VGLL1: variants seen among roughly 807,000 people sequenced by gnomAD.
VGLL1 encodes vestigial like family member 1, also known as transcription cofactor vestigial-like protein 1.
VGLL1 carries 4 observed loss-of-function variants against 12.0 expected under a neutral mutation model. The observed-to-expected ratio is 0.33, with a 90% CI of 0.16 to 0.76. The LOEUF (loss-of-function observed/expected upper bound fraction) is 0.76, where lower values mean the gene tolerates loss of function less well. Among genes scored for constraint, VGLL1 ranks in the 30% least tolerant of loss-of-function variants. VGLL1 has a pLI of 0.60. For synonymous variants in VGLL1, 87 were observed against 81.2 expected (o/e 1.07, Z -0.39); for missense variants, 204 against 208.7 (o/e 0.98, Z 0.14).
At chrX:136,548,199 C>T (rs2075874688) in intron 2 of VGLL1, among the ~76,000 whole-genome samples, 1 of 111,631 alleles carries the variant, frequency 9.0e-6, no homozygotes, top group Non-Finnish European at 1.9e-5. Flanking sequence ...TGTGGTTTCA[C>T]AATATTGGCC....
At chrX:136,547,648 C>A (rs987151207) in intron 2 of VGLL1, among the ~76,000 whole-genome samples, 3 of 111,782 alleles carry the variant, frequency 2.7e-5, no homozygotes, top group African/African-American at 9.8e-5. Flanking sequence ...GAGTGACCAG[C>A]ACAGGTAAGT....
intron 4 of VGLL1, among the ~76,000 whole-genome samples, chrX:136,554,937 G>T (rs2075897206): frequency 8.9e-6 from 1 of 112,397 alleles, no homozygotes; most frequent in Admixed American, 9.4e-5. Context: ...ATGTATATTA[G>T]TCCTGTACAT....
intron 4 of VGLL1, among the ~76,000 whole-genome samples, chrX:136,551,790 G>C (rs939703502): frequency 1.8e-5 from 2 of 111,697 alleles, no homozygotes; most frequent in Non-Finnish European, 3.8e-5. Context: ...GTGTTTAAGA[G>C]AGGACTCAAG....
chrX:136,556,583 G>A lies in VGLL1; in HGVS notation c.*44G>A. On this transcript the variant is annotated 3_prime_UTR_variant, in exon 5 of 5. Transcript: ENST00000370634. ...ACAACACTTGGTCTAAGACACGGCA[G>A]CAAGACATCCCTGCATATTGTTCCA... is the stretch of plus-strand genomic sequence containing the variant. 9.0e-7 allele frequency: 1 copy of A among 1,107,062 alleles called. No homozygotes were observed. Among genetic ancestry groups the A allele is most frequent in the Non-Finnish European group, 1.2e-6 (1 of 803,389 alleles). The allele number at this position is 1,107,062 out of a possible 1,213,427, so 91.2% of individuals were successfully genotyped here.
At chrX:136,542,014 C>T (rs1262950722) in intron 2 of VGLL1, among the ~76,000 whole-genome samples, 5 of 110,052 alleles carry the variant, frequency 4.5e-5, no homozygotes, top group African/African-American at 1.7e-4. Flanking sequence ...CGTATGCCAC[C>T]CTGTGTTCTT....
chrX:136,541,453 C>G lies in VGLL1; in HGVS notation c.214+5219C>G, dbSNP rs982457968. 4.4e-5 allele frequency among the ~76,000 whole-genome samples: 5 copies of G among 112,555 alleles called. No individual in the cohort carries two copies. The Admixed American group carries it at 4.7e-4, about 11-fold the overall frequency. On this transcript the variant is annotated intron_variant, in intron 2 of 4. Coordinates refer to ENST00000370634, the MANE Select transcript of VGLL1 (RefSeq NM_016267.4). ...AAAAACTGCCTCCCTCAAAGCCTCT[C>G]TTATCACCACTAGGAGTCAAGTTTC...
In VGLL1 at chrX:136,548,853, A is replaced by T. The variant is rs768609624; in HGVS notation, c.479A>T (p.Gln160Leu). The T allele has an allele frequency of 2.6e-5, 32 of 1,210,680 alleles. No individual in the cohort carries two copies. The South Asian group carries it at 5.5e-4, about 21-fold the overall frequency. Residue 160 changes from glutamine (Q) to leucine (L), a missense_variant, in exon 3 of 5, where the codon CAG (glutamine) becomes CTG (leucine). By Grantham distance (113) the Gln-to-Leu change is moderately radical (BLOSUM62 -2). Transcript: ENST00000370634. ...FPARHLVPEP[Q>L]PDGKREPLLS... ...GCTCGGCACCTGGTTCCAGAGCCCC[A>T]GCCTGATGGGAAACGTGAGCCTCTC...
intron 1 of VGLL1, among the ~76,000 whole-genome samples, chrX:136,534,522 A>C (rs1345764020): frequency 8.9e-6 from 1 of 112,560 alleles, no homozygotes; most frequent in African/African-American, 3.2e-5. Context: ...CCATTGTATA[A>C]ATATGTCACA....
At chrX:136,548,400 C>T (rs1358467916) in intron 2 of VGLL1, among the ~76,000 whole-genome samples, 189 bp from the exon 3 acceptor site, 1 of 111,175 alleles carries the variant, frequency 9.0e-6, no homozygotes. Context: ...TGAATAGAAA[C>T]CAATCCTAGA....
At chrX:136,534,468 G>A (rs1242473427) in intron 1 of VGLL1, among the ~76,000 whole-genome samples, 1 of 112,669 alleles carries the variant, frequency 8.9e-6, no homozygotes, top group Non-Finnish European at 1.9e-5. Flanking sequence ...ATGCTGTTGT[G>A]TAGATTGGTA....
intron 2 of VGLL1, among the ~76,000 whole-genome samples, chrX:136,537,939 C>T (rs186854401): frequency 2.7e-5 from 3 of 110,882 alleles, no homozygotes; most frequent in Admixed American, 1.9e-4. Context: ...GAAAAGAAAA[C>T]GCATGTCCCA....
intron 2 of VGLL1, among the ~76,000 whole-genome samples, chrX:136,536,795 T>A (rs1322593332): frequency 8.9e-6 from 1 of 112,258 alleles, no homozygotes; most frequent in Non-Finnish European, 1.9e-5. Context: ...ATTTCTAGCA[T>A]CTAGAAACAG....
At chrX:136,548,253 G>C (rs1188551919) in intron 2 of VGLL1, among the ~76,000 whole-genome samples, 1 of 111,687 alleles carries the variant, frequency 9.0e-6, no homozygotes, top group Non-Finnish European at 1.9e-5. Flanking sequence ...TGCCCAACTC[G>C]GCCTCCCAAG....
intron 4 of VGLL1, among the ~76,000 whole-genome samples, chrX:136,551,602 C>T (rs1273483394): frequency 8.9e-6 from 1 of 112,065 alleles, no homozygotes; most frequent in African/African-American, 3.2e-5. Flanking sequence ...TCATTTTTGT[C>T]AAATAAGCAT....
chrX:136,534,128 A>G (rs1412108152), intron 1 of VGLL1, among the ~76,000 whole-genome samples: 1 of 112,738 alleles, frequency 8.9e-6, no homozygotes, highest in Non-Finnish European at 1.9e-5. Context: ...AAGTATCAGA[A>G]TAGATCATGA....
At chrX:136,540,539 A>G (rs752549341) in intron 2 of VGLL1, among the ~76,000 whole-genome samples, 1 of 109,931 alleles carries the variant, frequency 9.1e-6, no homozygotes, top group East Asian at 2.9e-4. Flanking sequence ...GAAAGCCCCC[A>G]CCCTCTCACG....
At chrX:136,532,748 T>C (rs1450617662) in intron 1 of VGLL1, among the ~76,000 whole-genome samples, 4 of 106,403 alleles carry the variant, frequency 3.8e-5, no homozygotes, top group Non-Finnish European at 7.7e-5. Context: ...GAGGGAGCAC[T>C]TTCTGTCTTT....
At chrX:136,544,412 T>C (rs1323837995) in intron 2 of VGLL1, among the ~76,000 whole-genome samples, 1 of 112,397 alleles carries the variant, frequency 8.9e-6, no homozygotes, top group Non-Finnish European at 1.9e-5. Context: ...CCTAGAAATG[T>C]TATGCCAATC....
intron 2 of VGLL1, among the ~76,000 whole-genome samples, chrX:136,547,108 T>C (rs2075871670): frequency 8.9e-6 from 1 of 112,457 alleles, no homozygotes; most frequent in Non-Finnish European, 1.9e-5. Flanking sequence ...TCAAGAGCGC[T>C]AGGAGAGGTT....
Sources: gnomAD v4.1 joint callset for allele counts (sites outside exome capture counted in the v4.1 genomes callset) on GRCh38, gnomAD v4.1.1 for gene constraint, MANE v1.5 for transcripts, NCBI Gene and HGNC (gene_info 2026-07-23, HGNC 2026-07-21) for gene names.